The following FIG4 variants were observed in gnomAD, a reference collection of about 807,000 sequenced individuals.
FIG4 encodes polyphosphoinositide phosphatase.
A neutral mutation model predicts 118.6 loss-of-function variants in FIG4; 112 were observed. The observed-to-expected ratio is 0.94, with a 90% CI of 0.81 to 1.11. FIG4 has a LOEUF of 1.11. Among genes scored for constraint, FIG4 ranks in the 50% least tolerant of loss-of-function variants. FIG4 has a pLI of 0.00. For synonymous variants in FIG4, 369 were observed against 381.2 expected, an observed-to-expected ratio of 0.97 and a Z score of 0.37; for missense variants, 969 against 1,111.7, an observed-to-expected ratio of 0.87 and a Z score of 1.83.
chr6:109,716,541 C>G lies in FIG4; in HGVS notation c.262C>G (p.Arg88Gly), dbSNP rs753207473. ...ACAGAAAGGATCCTCGGGCTTATTTCGAGCGGTTTCAGCTTTTGGTGTTGT... is the reference window on the plus strand; with the variant it reads ...ACAGAAAGGATCCTCGGGCTTATTTGGAGCGGTTTCAGCTTTTGGTGTTGT... ...MGQKGSSGLFRAVSAFGVVGF... is the reference protein window; with the variant it reads ...MGQKGSSGLFGAVSAFGVVGF... Residue 88 changes from arginine (R) to glycine (G), a missense_variant, in exon 3 of 23, where the codon CGA becomes GGA. Physicochemically the swap from Arg to Gly is moderately radical, Grantham distance 125 (BLOSUM62 -2). Transcript: ENST00000230124. 4 of 1,613,912 alleles carry G rather than the reference C, an allele frequency of 2.5e-6. No individual in the cohort carries two copies. In the South Asian group the frequency reaches 3.3e-5, roughly 13 times the overall value.
At chr6:109,820,339 T>A (rs1778970254) in intron 22 of FIG4, among the ~76,000 whole-genome samples, 1 of 152,218 alleles carries the variant, frequency 6.6e-6, no homozygotes, top group South Asian at 2.1e-4. Context: ...GTACCTCTAC[T>A]GCTATGTAGG....
chr6:109,824,430 A>G (rs1446962293), intron 22 of FIG4, among the ~76,000 whole-genome samples: 1 of 152,196 alleles, frequency 6.6e-6, no homozygotes, highest in Non-Finnish European at 1.5e-5. Flanking sequence ...TTGTCAGCTC[A>G]TTAGGATGTG....
At chr6:109,720,960 A>C (rs1193773991) in intron 3 of FIG4, among the ~76,000 whole-genome samples, 2 of 152,024 alleles carry the variant, frequency 1.3e-5, no homozygotes, top group East Asian at 1.9e-4. Context: ...CCTAGGGCAC[A>C]TGAATGGAAT....
At chr6:109,749,819 G>A (rs1455185270) in intron 10 of FIG4, among the ~76,000 whole-genome samples, 8 of 152,132 alleles carry the variant, frequency 5.3e-5, no homozygotes, top group African/African-American at 1.9e-4. Flanking sequence ...AGGTCAGTCA[G>A]TGGATTTTAA....
At chr6:109,744,175 C>T (rs373931503) in intron 10 of FIG4, among the ~76,000 whole-genome samples, 1 of 152,166 alleles carries the variant, frequency 6.6e-6, no homozygotes, top group East Asian at 1.9e-4. Context: ...ATAAGCTCCC[C>T]TGGGCAAATT....
chr6:109,745,901 C>T lies in FIG4; in HGVS notation c.1137+2129C>T, dbSNP rs150996419. ...TTCTTCACAGAATTAGAAAAAGCTACTTTAAATTTCATGTGGAAGCAAAAA... is the reference window on the plus strand; with the variant it reads ...TTCTTCACAGAATTAGAAAAAGCTATTTTAAATTTCATGTGGAAGCAAAAA... On this transcript the variant is annotated intron_variant, in intron 10 of 22. Coordinates refer to ENST00000230124, the MANE Select transcript of FIG4 (RefSeq NM_014845.6). 7.5e-3 allele frequency among the ~76,000 whole-genome samples: 1,147 copies of T among 152,198 alleles called. 17 individuals carry two copies. The highest frequency in any genetic ancestry group is 0.026 in the African/African-American group (1,097 of 41,524).
chr6:109,767,619 C>T (rs918485146), intron 15 of FIG4, among the ~76,000 whole-genome samples: 4 of 152,106 alleles, frequency 2.6e-5, no homozygotes, highest in African/African-American at 9.7e-5. Context: ...GCCTGTAATC[C>T]CAGCACTTTG....
At chr6:109,694,183 A>G (rs1774637835) in intron 1 of FIG4, among the ~76,000 whole-genome samples, 1 of 152,228 alleles carries the variant, frequency 6.6e-6, no homozygotes, top group Non-Finnish European at 1.5e-5. Context: ...TACTTAACCC[A>G]TTTATGCCAG....
At chr6:109,802,931 A>G (rs1385997131) in intron 22 of FIG4, among the ~76,000 whole-genome samples, 2 of 152,178 alleles carry the variant, frequency 1.3e-5, no homozygotes, top group African/African-American at 4.8e-5. Context: ...ACAATTTAAC[A>G]TATTGCCCGT....
chr6:109,707,086 A>G (rs1350338307), intron 1 of FIG4, among the ~76,000 whole-genome samples: 1 of 152,062 alleles, frequency 6.6e-6, no homozygotes, highest in African/African-American at 2.4e-5. Context: ...AATTTTTATT[A>G]TAATTGCTTT....
chr6:109,701,803 T>C, intron 1 of FIG4: 1 of 463,988 alleles, frequency 2.2e-6, no homozygotes, highest in South Asian at 1.6e-5. Context: ...TGTAGTTGAC[T>C]AAGGATTGGA....
intron 22 of FIG4, among the ~76,000 whole-genome samples, chr6:109,799,398 G>A (rs894699009): frequency 5.3e-5 from 8 of 152,200 alleles, no homozygotes; most frequent in African/African-American, 1.9e-4. Context: ...GCACAGGGAC[G>A]TGCTTTAAAT....
chr6:109,745,363 G>A (rs911819211), intron 10 of FIG4, among the ~76,000 whole-genome samples: 2 of 152,074 alleles, frequency 1.3e-5, no homozygotes, highest in Admixed American at 6.5e-5. Context: ...ATCTCATTGT[G>A]GTTTTGATTT....
At chr6:109,762,438 C>T (rs1777140739) in intron 12 of FIG4, among the ~76,000 whole-genome samples, 1 of 151,558 alleles carries the variant, frequency 6.6e-6, no homozygotes, top group South Asian at 2.1e-4. Flanking sequence ...CTTCATAGAA[C>T]AAATGTTACA....
At chr6:109,794,890 C>A (rs1778233807) in intron 21 of FIG4, among the ~76,000 whole-genome samples, 3 of 152,154 alleles carry the variant, frequency 2.0e-5, no homozygotes, top group African/African-American at 7.2e-5. Flanking sequence ...TTCCAGCTTC[C>A]CATTCTTCTG....
At position 109,766,822 on chromosome 6, in the gene FIG4, GAT is replaced by G. The variant is rs1384780161; in HGVS notation, c.1679_1680del (p.Ile560SerfsTer16). Reference sequence around the variant, plus strand: ...TTCATCGTGTGAAAACCTACAGAAAGATAGCACCATGGACCCAGCACTCCAAA... The same window carrying G: ...TTCATCGTGTGAAAACCTACAGAAAGAGCACCATGGACCCAGCACTCCAAA... The part of the protein sequence containing the change: ...LVHRVKTYRK[I>X]APWTQHSKDI... On this transcript the variant is annotated frameshift_variant, in exon 15 of 23. Transcript: ENST00000230124. LOFTEE classifies it high-confidence loss of function. The G allele has an allele frequency of 6.2e-7, 1 of 1,614,068 alleles. No individual in the cohort carries two copies. The highest frequency in any genetic ancestry group is 2.2e-5 in the East Asian group (1 of 44,872).
In FIG4 at chr6:109,766,828, ACCATGGAC is replaced by A. The variant is rs776327137; in HGVS notation, c.1687_1694del (p.Trp563AlafsTer11). The A allele has an allele frequency of 6.2e-7, 1 of 1,614,072 alleles. No individual in the cohort carries two copies. Among genetic ancestry groups the A allele is most frequent in the East Asian group, 2.2e-5 (1 of 44,870 alleles). On this transcript the variant is annotated frameshift_variant, in exon 15 of 23. Transcript: ENST00000230124. LOFTEE classifies it high-confidence loss of function. The stretch of plus-strand genomic sequence containing the variant: ...GTGTGAAAACCTACAGAAAGATAGC[ACCATGGAC>A]CCAGCACTCCAAAGACATCATGCAA...
intron 14 of FIG4, 54 bp downstream of exon 14, chr6:109,765,215 G>T: frequency 6.8e-7 from 1 of 1,481,406 alleles, no homozygotes; most frequent in Middle Eastern, 1.7e-4. Context: ...GGCAAACCTG[G>T]TTACTAATAA....
intron 15 of FIG4, among the ~76,000 whole-genome samples, chr6:109,769,054 TC>T (rs1403397577): frequency 6.6e-6 from 1 of 151,874 alleles, no homozygotes; most frequent in African/African-American, 2.4e-5. Flanking sequence ...TCTCCTGTGG[TC>T]GTTGTCCCTG....
Sources: allele counts gnomAD v4.1 joint callset (sites outside exome capture counted in the v4.1 genomes callset), GRCh38; gene constraint gnomAD v4.1.1; transcripts MANE v1.5; gene names NCBI Gene and HGNC (gene_info 2026-07-23, HGNC 2026-07-21).